The following CAMTA1 variants were observed in gnomAD, a reference collection of about 807,000 sequenced individuals.
The protein encoded by CAMTA1 is calmodulin-binding transcription activator 1.
CAMTA1 carries 27 observed loss-of-function variants against 170.9 expected under a neutral mutation model. The observed-to-expected ratio is 0.16, with a 90% CI of 0.12 to 0.22. The LOEUF is 0.22. Among genes scored for constraint, CAMTA1 ranks in the 10% least tolerant of loss-of-function variants. The probability of loss-of-function intolerance (pLI) is 1.00; values close to 1 mark genes in which losing one functional copy is unlikely to be tolerated. For synonymous variants in CAMTA1, 833 were observed against 891.5 expected, an observed-to-expected ratio of 0.93 and a Z score of 1.17; for missense variants, 1,619 against 2,217.2, an observed-to-expected ratio of 0.73 and a Z score of 5.42.
rs774521528 is a variant in CAMTA1, at chr1:7,664,614, G to A, written c.2067G>A (p.Glu689=). The A allele has an allele frequency of 6.8e-6, 11 of 1,610,596 alleles. No individual in the cohort carries two copies. Among genetic ancestry groups the A allele is most frequent in the South Asian group, 6.6e-5 (6 of 91,056 alleles). The change falls in exon 9 of 23, where the codon GAG becomes GAA. Residue 689 remains glutamate (E), a synonymous_variant. Coordinates refer to ENST00000303635, the MANE Select transcript of CAMTA1 (RefSeq NM_015215.4). ...TCCAGGCCATGACGGCAGAAGGGGA[G>A]GTCACCATGGAGACCTCGCAGGCGG... ...ANFQAMTAEG[E]VTMETSQAAE... is the part of the protein sequence containing the mutation.
At position 6,997,656 on chromosome 1, in the gene CAMTA1, C is replaced by CTTT. The variant is rs201500847; in HGVS notation, c.235-93647_235-93645dup. Among the ~76,000 whole-genome samples the CTTT allele has an allele frequency of 2.1e-4, 27 of 128,398 alleles. 1 individual carries two copies. Among genetic ancestry groups the CTTT allele is most frequent in the African/African-American group, 3.6e-4 (11 of 30,394 alleles). The allele number at this position is 128,398 out of a possible 152,430, so 84.2% of individuals were successfully genotyped here. ...CTGTTTTCCATATTTCCTTTCTTTT[C>CTTT]TTTCTTTTTTTTTTTTTTTTTGAGA... On this transcript the variant is annotated intron_variant, in intron 3 of 22. Coordinates refer to ENST00000303635, the MANE Select transcript of CAMTA1 (RefSeq NM_015215.4).
chr1:7,284,126 G>GTTCTTCTTC (rs202166286), intron 5 of CAMTA1, among the ~76,000 whole-genome samples: 1,939 of 106,780 alleles, frequency 0.018, 32 homozygotes, highest in Middle Eastern at 0.037. Context: ...ATTTGCTGCT[G>GTTCTTCTTC]TTCTTCTTCT....
intron 3 of CAMTA1, among the ~76,000 whole-genome samples, chr1:6,878,999 A>G (rs912016628): frequency 2.6e-5 from 4 of 152,216 alleles, no homozygotes; most frequent in Non-Finnish European, 4.4e-5. Context: ...ATCACAGCGA[A>G]GAGTTTTAGT....
chr1:7,127,247 CTTTTTT>C (rs61211407), intron 4 of CAMTA1, among the ~76,000 whole-genome samples: 9 of 73,496 alleles, frequency 1.2e-4, no homozygotes, highest in Admixed American at 8.1e-4. Flanking sequence ...GCCAGAGGGG[CTTTTTT>C]TTTTTTTTTT....
At chr1:7,078,610 A>T (rs1639623189) in intron 3 of CAMTA1, among the ~76,000 whole-genome samples, 1 of 152,238 alleles carries the variant, frequency 6.6e-6, no homozygotes, top group Admixed American at 6.5e-5. Context: ...AAAATTTATG[A>T]TGAGACTTTT....
At chr1:7,382,030 C>T (rs1355743576) in intron 5 of CAMTA1, among the ~76,000 whole-genome samples, 1 of 152,218 alleles carries the variant, frequency 6.6e-6, no homozygotes, top group African/African-American at 2.4e-5. Flanking sequence ...AGATAGCCTT[C>T]ACCTCATGGC....
chr1:7,433,911 C>A (rs567112795), intron 5 of CAMTA1, among the ~76,000 whole-genome samples: 2 of 152,132 alleles, frequency 1.3e-5, no homozygotes, highest in Non-Finnish European at 2.9e-5. Flanking sequence ...GCCCCACAAG[C>A]CAGCAGCACA....
Position 6,856,147 on chromosome 1 carries a change from G to A in CAMTA1, c.234+30937G>A, listed in dbSNP as rs149175899. Among the ~76,000 whole-genome samples the A allele has an allele frequency of 8.5e-5, 13 of 152,268 alleles. No homozygotes were observed. In the East Asian group the frequency reaches 2.5e-3, roughly 29 times the overall value. On this transcript the variant is annotated intron_variant, in intron 3 of 22. Coordinates refer to ENST00000303635, the MANE Select transcript of CAMTA1 (RefSeq NM_015215.4). ...GCTGTAGTCTCTGGAGGCTGGAGCA[G>A]CTGCAGGTGCTTGTAGAGATGGGTA... is the stretch of plus-strand genomic sequence containing the variant.
At chr1:7,761,429 T>G (rs1236507830) in intron 22 of CAMTA1, among the ~76,000 whole-genome samples, 3 of 151,970 alleles carry the variant, frequency 2.0e-5, no homozygotes, top group Non-Finnish European at 4.4e-5. Flanking sequence ...AGTTATAATT[T>G]TTTTTTTTTA....
At chr1:7,454,727 C>T (rs367874614) in intron 5 of CAMTA1, among the ~76,000 whole-genome samples, 19 of 152,214 alleles carry the variant, frequency 1.2e-4, no homozygotes, top group African/African-American at 4.6e-4. Flanking sequence ...GACAGCAGTG[C>T]TGGGCGGGAG....
intron 16 of CAMTA1, among the ~76,000 whole-genome samples, chr1:7,740,921 G>GT (rs1558270420): frequency 6.6e-6 from 1 of 152,228 alleles, no homozygotes; most frequent in Non-Finnish European, 1.5e-5. Flanking sequence ...TCTAAAGAAA[G>GT]TTTTTTAGCC....
At chr1:7,304,181 A>C (rs370614701) in intron 5 of CAMTA1, among the ~76,000 whole-genome samples, 1 of 152,212 alleles carries the variant, frequency 6.6e-6, no homozygotes, top group Non-Finnish European at 1.5e-5. Context: ...CCTCAATGCC[A>C]TTGAATGGTG....
chr1:7,408,230 G>A (rs2090442551), intron 5 of CAMTA1, among the ~76,000 whole-genome samples: 1 of 152,352 alleles, frequency 6.6e-6, no homozygotes, highest in South Asian at 2.1e-4. Flanking sequence ...GCGATGGCGG[G>A]GCAGACAGAG....
At chr1:7,459,682 C>G (rs2093038115) in intron 5 of CAMTA1, among the ~76,000 whole-genome samples, 1 of 152,240 alleles carries the variant, frequency 6.6e-6, no homozygotes. Flanking sequence ...CCCTACCCCA[C>G]TGACAGTCCT....
chr1:7,670,627 C>T (rs923757493), intron 9 of CAMTA1, among the ~76,000 whole-genome samples: 1 of 152,210 alleles, frequency 6.6e-6, no homozygotes, highest in Non-Finnish European at 1.5e-5. Context: ...CCTGGATCTG[C>T]GAGTTACACA....
intron 6 of CAMTA1, among the ~76,000 whole-genome samples, chr1:7,604,180 G>A (rs1171831062): frequency 6.6e-6 from 1 of 152,168 alleles, no homozygotes; most frequent in Non-Finnish European, 1.5e-5. Context: ...CTCTTCTCAA[G>A]GAGTATCTTT....
At chr1:7,077,174 T>C (rs142842753) in intron 3 of CAMTA1, among the ~76,000 whole-genome samples, 26 of 152,150 alleles carry the variant, frequency 1.7e-4, no homozygotes, top group Non-Finnish European at 3.7e-4. Flanking sequence ...CTACTTTGGC[T>C]GAAATCCCTG....
rs754106727 is a variant in CAMTA1, at chr1:7,067,330, C to G, written c.235-23974C>G. Among the ~76,000 whole-genome samples the G allele has an allele frequency of 6.6e-6, 1 of 152,172 alleles. No homozygotes were observed. Among genetic ancestry groups the G allele is most frequent in the African/African-American group, 2.4e-5 (1 of 41,436 alleles). On this transcript the variant is annotated intron_variant, in intron 3 of 22. Coordinates refer to ENST00000303635, the MANE Select transcript of CAMTA1 (RefSeq NM_015215.4). This position sits in a 1 kb window ranked among gnomAD's most constrained non-coding sequence, Gnocchi z 4.3. Reference sequence around the variant, plus strand: ...GGACAGTGCTAGACAAATAGGACTCCTTTAACTCCTTAGGAAGTTCCCTGT... The same window carrying G: ...GGACAGTGCTAGACAAATAGGACTCGTTTAACTCCTTAGGAAGTTCCCTGT...
At chr1:7,572,073 A>G (rs371042089) in intron 6 of CAMTA1, among the ~76,000 whole-genome samples, 21 of 152,246 alleles carry the variant, frequency 1.4e-4, no homozygotes, top group African/African-American at 4.8e-4. Context: ...TTTGATTTGC[A>G]TTTCTCTAAT....
Sources: allele counts gnomAD v4.1 joint callset (sites outside exome capture counted in the v4.1 genomes callset), GRCh38; gene constraint gnomAD v4.1.1; non-coding constraint Gnocchi (gnomAD v3.1); transcripts MANE v1.5; gene names NCBI Gene and HGNC (gene_info 2026-07-23, HGNC 2026-07-21).